The following ASH1L variants were observed in gnomAD, a reference collection of about 807,000 sequenced individuals.
ASH1L encodes the protein histone-lysine N-methyltransferase ASH1L.
In ASH1L, 23 loss-of-function variants were observed where a neutral mutation model predicts 269.0. The observed-to-expected ratio is 0.09, with a 90% CI of 0.06 to 0.12. The LOEUF (loss-of-function observed/expected upper bound fraction) is 0.12, where lower values mean the gene tolerates loss of function less well. Ranked by LOEUF, ASH1L falls within the 10% of genes least tolerant of loss-of-function variation. ASH1L has a pLI of 1.00. For missense variants in ASH1L, 2,912 were observed against 3,567.8 expected, an observed-to-expected ratio of 0.82 and a Z score of 4.68; for synonymous variants, 1,187 against 1,253.5, an observed-to-expected ratio of 0.95 and a Z score of 1.12.
intron 1 of ASH1L, among the ~76,000 whole-genome samples, chr1:155,550,696 C>T (rs1186442803): frequency 6.6e-6 from 1 of 152,212 alleles, no homozygotes; most frequent in Non-Finnish European, 1.5e-5. Context: ...TTTACCACAT[C>T]TATCATCAAA....
In ASH1L at chr1:155,478,220, T is replaced by A; in HGVS notation, c.4650A>T (p.Ile1550=). 1 of 1,614,042 alleles carries A rather than the reference T, an allele frequency of 6.2e-7. No homozygotes were observed. Among genetic ancestry groups the A allele is most frequent in the South Asian group, 1.1e-5 (1 of 91,072 alleles). ...CPHLSPSKSL[I]NREEQWVHRE... ...GGTGGACCCACTGTTCCTCTCTGTT[T>A]ATTAAGCTTTTTGAAGGAGAGAGAT... is the stretch of plus-strand genomic sequence containing the variant. The change falls in exon 3 of 28, where the codon ATA becomes ATT. Residue 1550 remains isoleucine (I), a synonymous_variant. Transcript: ENST00000392403. This position sits in a 1 kb window ranked among gnomAD's most constrained non-coding sequence, Gnocchi z 4.6.
At chr1:155,442,583 CAAAAAAA>C (rs1205815203) in intron 4 of ASH1L, among the ~76,000 whole-genome samples, 4 of 33,664 alleles carry the variant, frequency 1.2e-4, no homozygotes, top group Non-Finnish European at 2.7e-4. Context: ...GACTCCATCT[CAAAAAAA>C]AAAAAAAAAA....
chr1:155,379,590 G>A (rs1310950967), intron 8 of ASH1L, among the ~76,000 whole-genome samples: 2 of 152,156 alleles, frequency 1.3e-5, no homozygotes, highest in African/African-American at 4.8e-5. Context: ...TTTTTTAAAA[G>A]TGCAAGAGTG....
intron 1 of ASH1L, among the ~76,000 whole-genome samples, chr1:155,542,548 C>CAAAT (rs900599620): frequency 6.6e-6 from 1 of 151,452 alleles, no homozygotes; most frequent in African/African-American, 2.4e-5. Flanking sequence ...GACTCTGTCT[C>CAAAT]AAATAAATAA....
rs905999508 is a variant in ASH1L at position 155,438,879 on chromosome 1, A to T, written c.5276T>A (p.Leu1759Gln). The T allele has an allele frequency of 1.9e-6, 3 of 1,614,062 alleles. No individual in the cohort carries two copies. The highest frequency in any genetic ancestry group is 1.3e-5 in the African/African-American group (1 of 74,920). Residue 1759 changes from leucine (L) to glutamine (Q), a missense_variant, in exon 5 of 28, where the codon CTG becomes CAG. Coordinates refer to ENST00000392403, the MANE Select transcript of ASH1L (RefSeq NM_018489.3). ...PGRSHSKDRT[L>Q]GKPDSLLVPA... is the part of the protein sequence containing the mutation. Reference sequence around the variant, plus strand: ...CACTAAAAGGCTGTCTGGTTTTCCCAGGGTTCGGTCCTTGCTGTGGCTACG... The same window carrying T: ...CACTAAAAGGCTGTCTGGTTTTCCCTGGGTTCGGTCCTTGCTGTGGCTACG...
rs147342513 is a variant in ASH1L at position 155,482,281 on chromosome 1, G to A, written c.589C>T (p.Leu197Phe). 840 of 1,614,170 alleles carry A rather than the reference G, an allele frequency of 5.2e-4. 1 individual carries two copies. Among genetic ancestry groups the A allele is most frequent in the Non-Finnish European group, 6.6e-4 (782 of 1,179,998 alleles). The change falls in exon 3 of 28, where the codon CTT becomes TTT. Residue 197 changes from leucine (L) to phenylalanine (F), a missense_variant. Around this residue, in one of 13 missense-constraint regions of ASH1L, gnomAD observed 277 missense variants for 367.7 expected, o/e 0.75. Coordinates refer to ENST00000392403, the MANE Select transcript of ASH1L (RefSeq NM_018489.3). The part of the protein sequence containing the change: ...DYINATPSTL[L>F]GSRDPDLKDR... ...TTTAAATCAGGATCCCGGCTACCAA[G>A]AAGAGTAGATGGCGTTGCATTAATA... is the stretch of plus-strand genomic sequence containing the variant.
At position 155,482,094 on chromosome 1, in the gene ASH1L, A is replaced by G. The variant is rs1171695558; in HGVS notation, c.776T>C (p.Val259Ala). 1 of 1,614,086 alleles carries G rather than the reference A, an allele frequency of 6.2e-7. No individual in the cohort carries two copies. Among genetic ancestry groups the G allele is most frequent in the Non-Finnish European group, 8.5e-7 (1 of 1,180,002 alleles). Reference protein sequence around the residue: ...VSKDLIRKAGVGSVAGIIHKD... With the variant: ...VSKDLIRKAGAGSVAGIIHKD... Reference sequence around the variant, plus strand: ...ATGTATTATTCCAGCTACAGAGCCAACACCTGCTTTCCTGATCAAATCCTT... The same window carrying G: ...ATGTATTATTCCAGCTACAGAGCCAGCACCTGCTTTCCTGATCAAATCCTT... The change falls in exon 3 of 28, where the codon GTT (valine) becomes GCT (alanine). Residue 259 changes from valine to alanine, a missense_variant. Val to Ala is a moderately conservative substitution (Grantham distance 64, BLOSUM62 0). Transcript: ENST00000392403.
At chr1:155,356,129 G>T (rs774374120) in intron 15 of ASH1L, among the ~76,000 whole-genome samples, 9 of 151,634 alleles carry the variant, frequency 5.9e-5, no homozygotes, top group Non-Finnish European at 1.2e-4. Context: ...TAGAGACAGG[G>T]TTTCTCCATG....
intron 2 of ASH1L, among the ~76,000 whole-genome samples, chr1:155,504,779 A>G (rs1244999895): frequency 1.3e-5 from 2 of 151,268 alleles, no homozygotes; most frequent in African/African-American, 4.9e-5. Context: ...TCTTGAACCC[A>G]GGAGGCAGAG....
intron 1 of ASH1L, among the ~76,000 whole-genome samples, chr1:155,524,232 T>C (rs1270385443): frequency 6.6e-6 from 1 of 152,028 alleles, no homozygotes; most frequent in Non-Finnish European, 1.5e-5. Context: ...CCTTTAAACA[T>C]ACAAAGTAGG....
In ASH1L at chr1:155,478,077, G is replaced by A. The variant is rs72993485; in HGVS notation, c.4793C>T (p.Ala1598Val). 499 of 1,614,158 alleles carry A rather than the reference G, an allele frequency of 3.1e-4. 1 individual carries two copies. The African/African-American group carries it at 6.1e-3, about 20-fold the overall frequency. ...AAGGTTTGTATGTTCATCACTGCTGGCTGGCTCAGAGTTGGGAGTGAATCC... is the reference window on the plus strand; with the variant it reads ...AAGGTTTGTATGTTCATCACTGCTGACTGGCTCAGAGTTGGGAGTGAATCC... ...LGGFTPNSEP[A>V]SSDEHTNLFT... is the part of the protein sequence containing the mutation. The change falls in exon 3 of 28, where the codon GCC (alanine) becomes GTC (valine). Residue 1598 changes from alanine (A) to valine (V), a missense_variant. Transcript: ENST00000392403. The surrounding 1 kb of genome is among the most constrained non-coding windows in gnomAD (Gnocchi z 4.6).
chr1:155,492,189 C>T (rs1178795240), intron 2 of ASH1L, among the ~76,000 whole-genome samples: 1 of 151,996 alleles, frequency 6.6e-6, no homozygotes, highest in African/African-American at 2.4e-5. Context: ...GCATGTGCCA[C>T]TGCACATGCA....
chr1:155,442,792 C>G (rs1662706809), intron 4 of ASH1L, among the ~76,000 whole-genome samples: 1 of 151,932 alleles, frequency 6.6e-6, no homozygotes, highest in South Asian at 2.1e-4. Flanking sequence ...CATGTTTTTT[C>G]TTGATTCAAG....
intron 7 of ASH1L, among the ~76,000 whole-genome samples, chr1:155,382,440 G>T (rs1286435921): frequency 1.3e-5 from 2 of 152,206 alleles, no homozygotes; most frequent in African/African-American, 4.8e-5. Flanking sequence ...GGAGCTTGCA[G>T]TGAGCTGAGA....
At chr1:155,360,215 A>C in intron 13 of ASH1L, 86 bp downstream of exon 13, 1 of 926,506 alleles carries the variant, frequency 1.1e-6, no homozygotes, top group East Asian at 2.5e-5. Flanking sequence ...AATGGCTCCA[A>C]GTCAATCATG....
intron 3 of ASH1L, among the ~76,000 whole-genome samples, chr1:155,469,379 C>T (rs930031767): frequency 2.0e-5 from 3 of 151,936 alleles, no homozygotes; most frequent in Admixed American, 6.6e-5. Flanking sequence ...GATGGGGTTT[C>T]GTCATGTTGG....
At chr1:155,467,430 G>A (rs998773073) in intron 3 of ASH1L, among the ~76,000 whole-genome samples, 3 of 152,162 alleles carry the variant, frequency 2.0e-5, no homozygotes, top group Non-Finnish European at 4.4e-5. Context: ...CTGTTAGTCT[G>A]TACAGTACAG....
chr1:155,421,733 T>C (rs1027476046), intron 5 of ASH1L, among the ~76,000 whole-genome samples: 3 of 151,820 alleles, frequency 2.0e-5, no homozygotes, highest in African/African-American at 4.8e-5. Context: ...TGTAAATGTA[T>C]TGTAATCAGG....
intron 6 of ASH1L, among the ~76,000 whole-genome samples, chr1:155,397,855 C>G (rs1658497891): frequency 6.6e-6 from 1 of 152,166 alleles, no homozygotes; most frequent in African/African-American, 2.4e-5. Context: ...GCCACGGCAC[C>G]TGGCCAGGTT....
Sources: gnomAD v4.1 joint callset for allele counts (sites outside exome capture counted in the v4.1 genomes callset) on GRCh38, gnomAD v4.1.1 for gene constraint, gnomAD v4.1.1 regional missense constraint, Gnocchi (gnomAD v3.1) non-coding constraint, MANE v1.5 for transcripts, NCBI Gene and HGNC (gene_info 2026-07-23, HGNC 2026-07-21) for gene names.